RARB: variants seen among roughly 807,000 people sequenced by gnomAD.
RARB encodes the protein retinoic acid receptor beta.
Under a neutral mutation model 51.9 loss-of-function variants are expected in RARB, and 17 were observed. That is an observed-to-expected ratio of 0.33 (90% CI 0.22 to 0.49). RARB has a LOEUF of 0.49. Among genes scored for constraint, RARB ranks in the 20% least tolerant of loss-of-function variants. RARB has a pLI of 0.99. For synonymous variants in RARB, 215 were observed against 195.4 expected (o/e 1.10, Z -0.84); for missense variants, 369 against 550.8 (o/e 0.67, Z 3.30).
At chr3:25,044,027 T>A (rs1260120817) in intron 2 of RARB, among the ~76,000 whole-genome samples, 1 of 105,704 alleles carries the variant, frequency 9.5e-6, no homozygotes, top group Admixed American at 9.0e-5. Context: ...GGTTTTCCCA[T>A]TTTTTTTTTA....
At chr3:25,371,593 C>T (rs1241714653) in intron 5 of RARB, among the ~76,000 whole-genome samples, 2 of 152,184 alleles carry the variant, frequency 1.3e-5, no homozygotes, top group Non-Finnish European at 2.9e-5. Context: ...ATGAGGAGGG[C>T]ACTTTTCCAG....
At chr3:25,298,020 G>C (rs759080213) in intron 5 of RARB, among the ~76,000 whole-genome samples, 28 of 152,090 alleles carry the variant, frequency 1.8e-4, no homozygotes, top group Non-Finnish European at 2.2e-4. Context: ...TCCACAGAAA[G>C]GGACTTTCTT....
At chr3:25,078,639 C>G (rs1415044981) in intron 3 of RARB, among the ~76,000 whole-genome samples, 2 of 151,542 alleles carry the variant, frequency 1.3e-5, no homozygotes, top group Admixed American at 1.3e-4. Flanking sequence ...CATGTTCAAG[C>G]GATTCTCCTG....
intron 5 of RARB, among the ~76,000 whole-genome samples, chr3:25,224,537 C>T (rs953193079): frequency 6.6e-6 from 1 of 152,160 alleles, no homozygotes; most frequent in Admixed American, 6.5e-5. Context: ...GATGTTTTCT[C>T]TCTGCAAAGT....
In RARB at chr3:25,101,507, T is replaced by A. The variant is rs1460091022; in HGVS notation, c.-327-30654T>A. Among the ~76,000 whole-genome samples, 3 of 152,242 alleles carry A rather than the reference T, an allele frequency of 2.0e-5. No individual in the cohort carries two copies. In the East Asian group the frequency reaches 5.8e-4, roughly 29 times the overall value. On this transcript the variant is annotated intron_variant, in intron 3 of 11. Coordinates refer to the RARB transcript ENST00000383772. ...ATAGATTACTGTTTTGAAAATTGTT[T>A]CACTTTGTTTTATCTTAGAAACTTT...
intron 2 of RARB, among the ~76,000 whole-genome samples, chr3:24,931,978 A>G (rs896528115): frequency 3.3e-5 from 5 of 152,102 alleles, no homozygotes; most frequent in Admixed American, 3.3e-4. Flanking sequence ...CCTTCCACAA[A>G]ACTTGATTTG....
Position 25,364,969 on chromosome 3 carries a change from A to C in RARB, c.179-96224A>C, listed in dbSNP as rs146275344. Among the ~76,000 whole-genome samples, 590 of 152,188 alleles carry C rather than the reference A, an allele frequency of 3.9e-3. 2 individuals are homozygous for C. The highest frequency in any genetic ancestry group is 0.013 in the African/African-American group (557 of 41,518). On this transcript the variant is annotated intron_variant, in intron 5 of 11. Coordinates refer to the RARB transcript ENST00000383772. ...TATCTCAGTTGTATCATTATCCTAG[A>C]ATCTGATTACTATTAGTATCATTTG... is the stretch of plus-strand genomic sequence containing the variant.
chr3:25,026,289 G>C (rs1697747017), intron 2 of RARB, among the ~76,000 whole-genome samples: 1 of 152,176 alleles, frequency 6.6e-6, no homozygotes, highest in African/African-American at 2.4e-5. Context: ...TACAGGCCTA[G>C]GTGGCTTAAA....
intron 2 of RARB, among the ~76,000 whole-genome samples, chr3:24,862,882 G>T (rs1432166439): frequency 1.3e-5 from 2 of 152,176 alleles, no homozygotes; most frequent in Non-Finnish European, 2.9e-5. Flanking sequence ...TCCAAAGCAG[G>T]TCATTCAGTT....
chr3:25,549,128 C>A (rs1699740053), intron 3 of RARB, among the ~76,000 whole-genome samples: 1 of 151,604 alleles, frequency 6.6e-6, no homozygotes, highest in Non-Finnish European at 1.5e-5. Flanking sequence ...AACCTGGTGG[C>A]CTAACAAGCA....
At chr3:25,529,469 T>C (rs1381787501) in intron 3 of RARB, among the ~76,000 whole-genome samples, 2 of 152,196 alleles carry the variant, frequency 1.3e-5, no homozygotes, top group Admixed American at 1.3e-4. Flanking sequence ...ATATGTTTTA[T>C]ATAAATCTCA....
chr3:25,331,458 A>G (rs1210035287), intron 5 of RARB, among the ~76,000 whole-genome samples: 3 of 152,230 alleles, frequency 2.0e-5, no homozygotes, highest in African/African-American at 7.2e-5. Context: ...GCAGAAATAA[A>G]GATGTGCTTT....
At chr3:25,238,718 C>T (rs944784221) in intron 5 of RARB, among the ~76,000 whole-genome samples, 3 of 152,116 alleles carry the variant, frequency 2.0e-5, no homozygotes, top group Non-Finnish European at 2.9e-5. Flanking sequence ...TGCAGTGGCT[C>T]ATACCTGTAA....
At chr3:25,127,180 C>T (rs1340642143) in intron 3 of RARB, among the ~76,000 whole-genome samples, 1 of 152,118 alleles carries the variant, frequency 6.6e-6, no homozygotes, top group Non-Finnish European at 1.5e-5. Context: ...TTAAAATCCT[C>T]CAATAGCTTC....
chr3:25,366,353 C>A (rs1308845056), intron 5 of RARB, among the ~76,000 whole-genome samples: 1 of 152,112 alleles, frequency 6.6e-6, no homozygotes, highest in Non-Finnish European at 1.5e-5. Flanking sequence ...GCCTTCTACC[C>A]CTCAGGATTA....
At chr3:25,550,682 C>G (rs1699810789) in intron 3 of RARB, among the ~76,000 whole-genome samples, 1 of 152,174 alleles carries the variant, frequency 6.6e-6, no homozygotes, top group South Asian at 2.1e-4. Flanking sequence ...CACCTAGCAA[C>G]CCATCACTTA....
At chr3:24,917,956 TGCAAA>T in intron 2 of RARB, among the ~76,000 whole-genome samples, 1 of 152,212 alleles carries the variant, frequency 6.6e-6, no homozygotes, top group East Asian at 1.9e-4. Context: ...CTGATGGAAA[TGCAAA>T]GTGGTACAGC....
chr3:25,395,474 C>CA (rs1394771588), intron 5 of RARB, among the ~76,000 whole-genome samples: 2 of 152,168 alleles, frequency 1.3e-5, no homozygotes, highest in Non-Finnish European at 2.9e-5. Context: ...AAATTTTCCT[C>CA]AATTATTCCC....
intron 3 of RARB, among the ~76,000 whole-genome samples, chr3:25,110,575 C>G (rs1301262026): frequency 6.6e-6 from 1 of 152,140 alleles, no homozygotes; most frequent in Non-Finnish European, 1.5e-5. Context: ...GCCAGTTCAC[C>G]TAGTAAAGGA....
Sources: gnomAD v4.1 joint callset for allele counts (sites outside exome capture counted in the v4.1 genomes callset) on GRCh38, gnomAD v4.1.1 for gene constraint, MANE v1.5 for transcripts, NCBI Gene and HGNC (gene_info 2026-07-23, HGNC 2026-07-21) for gene names.